Variants in RECQL4 observed in about 807,000 individuals in gnomAD.
RECQL4 encodes the protein RecQ like helicase 4.
In RECQL4, 158 loss-of-function variants were observed where a neutral mutation model predicts 128.6. The ratio of observed to expected loss-of-function variants is 1.23; its 90% CI spans 1.08 to 1.40. The LOEUF is 1.40. RECQL4 is among the 40% of genes most tolerant of loss of function. RECQL4 has a pLI of 0.00. For synonymous variants in RECQL4, 996 were observed against 678.9 expected (o/e 1.47, Z -7.26); for missense variants, 2,293 against 1,649.8 (o/e 1.39, Z -6.75).
chr8:144,513,173 A>T (rs2130674792), intron 14 of RECQL4, 35 bp from the exon 15 acceptor site: 1 of 899,122 alleles, frequency 1.1e-6, no homozygotes, highest in South Asian at 1.4e-5. Flanking sequence ...GGGGTGGACC[A>T]CTGGGGGCTC....
In RECQL4 at chr8:144,516,030, G is replaced by A. The variant is rs377589237; in HGVS notation, c.1089C>T (p.Tyr363=). The change falls in exon 5 of 21, where the codon TAC becomes TAT. Residue 363 remains tyrosine (Y), a synonymous_variant. Coordinates refer to ENST00000617875, the MANE Select transcript of RECQL4 (RefSeq NM_004260.4). ...TGCTACGGAGTGCCCGGCCCCGCAC[G>A]TAGTGTTTCTGCTTCATGTTGAGCC... ...YVRLNMKQKH[Y]VRGRALRSRL... is the part of the protein sequence containing the mutation. 93 of 1,611,436 alleles carry A rather than the reference G, an allele frequency of 5.8e-5. No homozygotes were observed. Among genetic ancestry groups the A allele is most frequent in the Non-Finnish European group, 7.3e-5 (86 of 1,178,960 alleles).
rs1828021212 is a variant in RECQL4 at position 144,515,464 on chromosome 8, C to T, written c.1259-7G>A. 3.1e-6 allele frequency: 5 copies of T among 1,612,606 alleles called. No homozygotes were observed. Among genetic ancestry groups the T allele is most frequent in the Non-Finnish European group, 4.2e-6 (5 of 1,179,804 alleles). ...TCTGTGTCTTCCTCACTTGCTGGGG[C>T]AGGCAGGAGAGGGTAGAATGGGAGC... On this transcript the variant is annotated splice_region_variant and splice_polypyrimidine_tract_variant and intron_variant, in intron 6 of 20. Transcript: ENST00000617875.
rs751503394 is a variant in RECQL4 at position 144,515,891 on chromosome 8, C to T, written c.1132-1G>A. 9.3e-6 allele frequency: 15 copies of T among 1,612,780 alleles called. No homozygotes were observed. The highest frequency in any genetic ancestry group is 4.2e-6 in the Non-Finnish European group (5 of 1,179,822). On this transcript the variant is annotated splice_acceptor_variant, in intron 5 of 20. Transcript: ENST00000617875. LOFTEE classifies it high-confidence loss of function. The stretch of plus-strand genomic sequence containing the variant: ...TCTTCCGCCACTTCTGCTTCCATGC[C>T]TGGGGGGTGCCCACATAGGAGGGTC...
intron 9 of RECQL4, among the ~76,000 whole-genome samples, 188 bp downstream of exon 9, chr8:144,514,748 G>A (rs144683768): frequency 7.8e-4 from 119 of 152,328 alleles, no homozygotes; most frequent in African/African-American, 2.7e-3. Context: ...CACATTTCCC[G>A]TAGGGGTGGC....
At position 144,511,954 on chromosome 8, in the gene RECQL4, C is replaced by G. The variant is rs1199300079; in HGVS notation, c.3350G>C (p.Gly1117Ala). ...YFEEEEGQEPGGMEDAQGPEP... is the reference protein window; with the variant it reads ...YFEEEEGQEPAGMEDAQGPEP... The stretch of plus-strand genomic sequence containing the variant: ...GGGGCCCTGTGCGTCCTCCATGCCT[C>G]CCGGCTCCTGCCCTTCCTCTTCCTC... Residue 1117 changes from glycine to alanine, a missense_variant, in exon 19 of 21, where the codon GGA becomes GCA. By Grantham distance (60) the Gly-to-Ala change is moderately conservative. Transcript: ENST00000617875. 1 of 1,611,598 alleles carries G rather than the reference C, an allele frequency of 6.2e-7. No individual in the cohort carries two copies. Among genetic ancestry groups the G allele is most frequent in the Admixed American group, 1.7e-5 (1 of 60,000 alleles).
chr8:144,515,926 G>A (rs762789734), intron 5 of RECQL4, 36 bp from the exon 6 acceptor site: 1 of 1,612,548 alleles, frequency 6.2e-7, no homozygotes, highest in South Asian at 1.1e-5. Context: ...CACTGGGCGG[G>A]AAATACGGGA....
chr8:144,516,998 A>G (rs1314178561), intron 4 of RECQL4, 52 bp downstream of exon 4: 7 of 1,569,646 alleles, frequency 4.5e-6, no homozygotes, highest in Non-Finnish European at 6.1e-6. Context: ...GGCGACCCGG[A>G]CCGGAAGCAG....
At chr8:144,511,632 C>G (rs747417851) in intron 20 of RECQL4, 49 bp downstream of exon 20, 1 of 1,607,042 alleles carries the variant, frequency 6.2e-7, no homozygotes, top group Admixed American at 1.7e-5. Context: ...CCTCACCTGC[C>G]CCAGCCCCCA....
chr8:144,512,125 C>T lies in RECQL4; in HGVS notation c.3236+19G>A. On this transcript the variant is annotated intron_variant, in intron 18 of 20. Transcript: ENST00000617875. ...GCGGGAGGGTGGATGGTCCCAGGCC[C>T]CGCCCGCCTCCTCCCAACCTGTGAA... 6.2e-7 allele frequency: 1 copy of T among 1,601,508 alleles called. No homozygotes were observed. Among genetic ancestry groups the T allele is most frequent in the Non-Finnish European group, 8.5e-7 (1 of 1,174,186 alleles).
rs758482986 is a variant in RECQL4 at position 144,515,983 on chromosome 8, C to T, written c.1131+5G>A. 8 of 1,609,876 alleles carry T rather than the reference C, an allele frequency of 5.0e-6. No individual in the cohort carries two copies. In the East Asian group the frequency reaches 1.6e-4, roughly 31 times the overall value. On this transcript the variant is annotated splice_donor_5th_base_variant and intron_variant, in intron 5 of 20. Coordinates refer to ENST00000617875, the MANE Select transcript of RECQL4 (RefSeq NM_004260.4). ...AATGCCTGTCCTGGCCCGTCGCTGT[C>T]TTACCTGCTTGCGGAGGAGCCTGCT...
Position 144,512,071 on chromosome 8 carries a change from T to C in RECQL4, c.3237-4A>G. ...CCCGCAGCTGGGGAAGGCTACGCTG[T>C]GGGGAGGAGCCTGTCAGAGCTGATC... On this transcript the variant is annotated splice_region_variant and splice_polypyrimidine_tract_variant and intron_variant, in intron 18 of 20. Coordinates refer to ENST00000617875, the MANE Select transcript of RECQL4 (RefSeq NM_004260.4). 6.2e-7 allele frequency: 1 copy of C among 1,607,102 alleles called. No individual in the cohort carries two copies. The highest frequency in any genetic ancestry group is 8.5e-7 in the Non-Finnish European group (1 of 1,178,182).
In RECQL4 at chr8:144,512,211, CA is replaced by C; in HGVS notation, c.3168del (p.Tyr1056Ter). The C allele has an allele frequency of 6.2e-7, 1 of 1,612,248 alleles. No individual in the cohort carries two copies. Among genetic ancestry groups the C allele is most frequent in the South Asian group, 1.1e-5 (1 of 91,076 alleles). ...TGGCGCTCCCGGGCCTGCACACGGC[CA>C]TAGAGGAAGTCACATATCTGGTCCT... Reference protein sequence around the residue: ...EEKDQICDFLYGRVQARERQA... With the variant: ...EEKDQICDFLXGRVQARERQA... On this transcript the variant is annotated frameshift_variant, in exon 18 of 21. Coordinates refer to ENST00000617875, the MANE Select transcript of RECQL4 (RefSeq NM_004260.4). LOFTEE classifies it high-confidence loss of function.
At chr8:144,517,272 A>G in intron 3 of RECQL4, 82 bp from the exon 4 acceptor site, 2 of 1,515,664 alleles carry the variant, frequency 1.3e-6, no homozygotes, top group Non-Finnish European at 8.8e-7. Flanking sequence ...CCGCACCTGG[A>G]GCGAGGCCCG....
rs780926989 is a variant in RECQL4, at chr8:144,513,198, T to G, written c.2463+20A>C. 515 of 1,401,012 alleles carry G rather than the reference T, an allele frequency of 3.7e-4. No individual in the cohort carries two copies. Among genetic ancestry groups the G allele is most frequent in the African/African-American group, 1.4e-3 (77 of 56,944 alleles). The allele number at this position is 1,401,012 out of a possible 1,614,324, so 86.8% of individuals were successfully genotyped here. A position where few individuals can be genotyped will look rare whatever the true frequency, so the allele number is the denominator to read the frequency against. On this transcript the variant is annotated intron_variant, in intron 14 of 20. Coordinates refer to ENST00000617875, the MANE Select transcript of RECQL4 (RefSeq NM_004260.4). Reference sequence around the variant, plus strand: ...ACTGGGGGCTCGAGCACTGGCAGTGTGGGGGGGGGGGGTGCCAACCTGGGG... The same window carrying G: ...ACTGGGGGCTCGAGCACTGGCAGTGGGGGGGGGGGGGGTGCCAACCTGGGG...
chr8:144,517,303 G>C (rs1444178837), intron 3 of RECQL4, 111 bp downstream of exon 3: 1 of 1,490,178 alleles, frequency 6.7e-7, no homozygotes, highest in East Asian at 2.5e-5. Flanking sequence ...ACTTTGCCCA[G>C]TCCCCCTCCC....
rs1363197248 is a variant in RECQL4, at chr8:144,513,052, G to T, written c.2550C>A (p.Phe850Leu). 3 of 1,579,908 alleles carry T rather than the reference G, an allele frequency of 1.9e-6. No individual in the cohort carries two copies. The highest frequency in any genetic ancestry group is 1.2e-5 in the South Asian group (1 of 86,808). ...TGGTGCAGGTGCAGGTGCAGGCTGG[G>T]AACACGCGCTGTACCAGCCTCTTCA... ...LAVKRLVQRV[F>L]PACTCTCTRP... The change falls in exon 15 of 21, where the codon TTC (phenylalanine) becomes TTA (leucine). Residue 850 changes from phenylalanine to leucine, a missense_variant. Phe to Leu is a conservative substitution (Grantham distance 22). Coordinates refer to ENST00000617875, the MANE Select transcript of RECQL4 (RefSeq NM_004260.4).
At chr8:144,513,796 G>GCGGTGGA in intron 12 of RECQL4, 84 bp from the exon 13 acceptor site, 1 of 1,432,520 alleles carries the variant, frequency 7.0e-7, no homozygotes, top group Non-Finnish European at 9.4e-7. Flanking sequence ...GTCGGCGTGG[G>GCGGTGGA]GAGTGAGGAG....
rs377339114 is a variant in RECQL4 at position 144,514,116 on chromosome 8, G to C, written c.1879-9C>G. ...ATGCGCTCCCGAAGCACCTGCACCA[G>C]AGGCGGCAGTGGTGTGAGGCCGCCC... is the stretch of plus-strand genomic sequence containing the variant. On this transcript the variant is annotated splice_polypyrimidine_tract_variant and intron_variant, in intron 11 of 20. Transcript: ENST00000617875. The C allele has an allele frequency of 2.4e-5, 38 of 1,608,280 alleles. No homozygotes were observed. The highest frequency in any genetic ancestry group is 3.2e-5 in the Non-Finnish European group (38 of 1,178,250).
At position 144,514,477 on chromosome 8, in the gene RECQL4, T is replaced by C. The variant is rs1270237157; in HGVS notation, c.1669A>G (p.Met557Val). The change falls in exon 10 of 21, where the codon ATG (methionine) becomes GTG (valine). Residue 557 changes from methionine to valine, a missense_variant. By Grantham distance (21) the Met-to-Val change is conservative. Transcript: ENST00000617875. ...CLKAACIHSG[M>V]TRKQRESVLQ... is the part of the protein sequence containing the mutation. ...ACAGATTCCCGTTGCTTCCTGGTCA[T>C]GCCCGAGTGTATGCAGGCCGCCTTG... 4.3e-6 allele frequency: 7 copies of C among 1,612,272 alleles called. No homozygotes were observed. The highest frequency in any genetic ancestry group is 3.3e-4 in the Middle Eastern group (2 of 6,078).
Sources: gnomAD v4.1 joint callset for allele counts (sites outside exome capture counted in the v4.1 genomes callset) on GRCh38, gnomAD v4.1.1 for gene constraint, MANE v1.5 for transcripts, NCBI Gene and HGNC (gene_info 2026-07-23, HGNC 2026-07-21) for gene names.